Variants in LYPLAL1 observed in about 807,000 individuals in gnomAD.
The protein encoded by LYPLAL1 is lysophospholipase like 1, also known as lysophospholipase-like protein 1.
In LYPLAL1, 23 loss-of-function variants were observed where a neutral mutation model predicts 19.7. That is an observed-to-expected ratio of 1.17 (90% CI 0.84 to 1.65). The LOEUF (loss-of-function observed/expected upper bound fraction) is 1.65. LYPLAL1 is among the 40% of genes most tolerant of loss of function. LYPLAL1 has a pLI of 0.00. For synonymous variants in LYPLAL1, 119 were observed against 96.3 expected (o/e 1.24, Z -1.38); for missense variants, 355 against 279.4 (o/e 1.27, Z -1.93).
intron 3 of LYPLAL1, among the ~76,000 whole-genome samples, chr1:219,209,369 A>G (rs917252896): frequency 6.6e-6 from 1 of 152,132 alleles, no homozygotes; most frequent in Non-Finnish European, 1.5e-5. Flanking sequence ...ATAAATATCA[A>G]GGGATAGTAG....
At chr1:219,329,166 G>A in the LYPLAL1 span, among the ~76,000 whole-genome samples, 2 of 151,682 alleles carry the variant, frequency 1.3e-5, no homozygotes, top group African/African-American at 2.4e-5. Context: ...GGATAAAAAT[G>A]TCTAAGTACT....
chr1:219,438,027 A>G, the LYPLAL1 span, among the ~76,000 whole-genome samples: 5 of 152,128 alleles, frequency 3.3e-5, no homozygotes, highest in African/African-American at 7.2e-5. Context: ...TCGGCCTCCC[A>G]AAGTGCTGGG....
the LYPLAL1 span, among the ~76,000 whole-genome samples, chr1:219,257,874 A>G: frequency 6.6e-6 from 1 of 151,998 alleles, no homozygotes; most frequent in South Asian, 2.1e-4. Context: ...AGACCAGGGC[A>G]TATTTCAGTC....
At chr1:219,402,816 G>A in the LYPLAL1 span, among the ~76,000 whole-genome samples, 2 of 152,058 alleles carry the variant, frequency 1.3e-5, no homozygotes, top group Admixed American at 1.3e-4. Flanking sequence ...TGAGAATAAG[G>A]AAGAAGTAAA....
At chr1:219,443,793 AAAAC>A in the LYPLAL1 span, among the ~76,000 whole-genome samples, 1 of 152,248 alleles carries the variant, frequency 6.6e-6, no homozygotes, top group Non-Finnish European at 1.5e-5. Context: ...AAGGTTAACA[AAAAC>A]AAGTAAGATA....
At chr1:219,372,647 C>A in the LYPLAL1 span, among the ~76,000 whole-genome samples, 3 of 152,120 alleles carry the variant, frequency 2.0e-5, no homozygotes, top group Non-Finnish European at 2.9e-5. Flanking sequence ...CACCTGTAAT[C>A]CCGGCAATTT....
the LYPLAL1 span, among the ~76,000 whole-genome samples, chr1:219,325,293 T>C: frequency 3.3e-5 from 5 of 152,208 alleles, no homozygotes; most frequent in Non-Finnish European, 7.3e-5. Flanking sequence ...ATTTGTCATA[T>C]AGATTCACTC....
the LYPLAL1 span, among the ~76,000 whole-genome samples, chr1:219,328,402 G>A: frequency 1.3e-5 from 2 of 152,066 alleles, no homozygotes; most frequent in Non-Finnish European, 1.5e-5. Context: ...GTCTAGACCT[G>A]GTTGTTCTAC....
the LYPLAL1 span, among the ~76,000 whole-genome samples, chr1:219,336,765 G>A: frequency 2.0e-5 from 3 of 151,986 alleles, no homozygotes; most frequent in East Asian, 5.8e-4. Flanking sequence ...AATCAGCTTG[G>A]GAAATGGAAA....
chr1:219,404,951 C>T, the LYPLAL1 span, among the ~76,000 whole-genome samples: 2 of 152,166 alleles, frequency 1.3e-5, no homozygotes, highest in African/African-American at 2.4e-5. Flanking sequence ...AAAAGCAACT[C>T]CCCATCCATT....
the LYPLAL1 span, among the ~76,000 whole-genome samples, chr1:219,252,547 G>A: frequency 6.6e-6 from 1 of 151,994 alleles, no homozygotes; most frequent in Admixed American, 6.6e-5. Flanking sequence ...ATAAGCATGT[G>A]GTTTTTGTCT....
chr1:219,349,068 G>C, the LYPLAL1 span, among the ~76,000 whole-genome samples: 1 of 152,116 alleles, frequency 6.6e-6, no homozygotes, highest in Admixed American at 6.5e-5. Flanking sequence ...AGAAAATTGG[G>C]CTTTAGAGAG....
chr1:219,275,813 G>C, the LYPLAL1 span, among the ~76,000 whole-genome samples: 1 of 151,896 alleles, frequency 6.6e-6, no homozygotes, highest in Non-Finnish European at 1.5e-5. Context: ...CTCATCTTAA[G>C]GCTCAAGATT....
the LYPLAL1 span, among the ~76,000 whole-genome samples, chr1:219,416,682 G>C: frequency 2.3e-4 from 35 of 152,214 alleles, no homozygotes; most frequent in Admixed American, 2.3e-3. Context: ...ATAACTTCTG[G>C]ATTGTGTTCA....
the LYPLAL1 span, among the ~76,000 whole-genome samples, chr1:219,371,695 A>G: frequency 6.6e-6 from 1 of 152,192 alleles, no homozygotes; most frequent in Non-Finnish European, 1.5e-5. Flanking sequence ...AGGTCCAAAG[A>G]AGACAAACGC....
chr1:219,320,903 G>A, the LYPLAL1 span, among the ~76,000 whole-genome samples: 1 of 152,144 alleles, frequency 6.6e-6, no homozygotes, highest in Non-Finnish European at 1.5e-5. Flanking sequence ...ATAAACATAC[G>A]TGTGCATGTG....
At chr1:219,362,049 T>C in the LYPLAL1 span, among the ~76,000 whole-genome samples, 2 of 152,092 alleles carry the variant, frequency 1.3e-5, no homozygotes, top group Non-Finnish European at 2.9e-5. Flanking sequence ...GAAAGTTCTC[T>C]CTCCTCTGCG....
At chr1:219,350,885 C>G in the LYPLAL1 span, among the ~76,000 whole-genome samples, 2 of 152,128 alleles carry the variant, frequency 1.3e-5, no homozygotes, top group Non-Finnish European at 2.9e-5. Context: ...CTTGATCCAT[C>G]TTCTGGCATT....
Position 219,174,292 on chromosome 1 carries a change from G to T in LYPLAL1, c.91+311G>T. ...ATTCCTCGCCCCAAGTTTAAACAGA[G>T]CAAGTTAGTAAGGTAAGTCTTCTGC... On this transcript the variant is annotated intron_variant, in intron 1 of 4. Coordinates refer to ENST00000366928, the MANE Select transcript of LYPLAL1 (RefSeq NM_138794.5). 3 of 1,249,160 alleles carry T rather than the reference G, an allele frequency of 2.4e-6. No homozygotes were observed. The South Asian group carries it at 5.9e-5, about 24-fold the overall frequency. The allele number at this position is 1,249,160 out of a possible 1,614,324, so 77.4% of individuals were successfully genotyped here.
Sources: gnomAD v4.1 joint callset for allele counts (sites outside exome capture counted in the v4.1 genomes callset) on GRCh38, gnomAD v4.1.1 for gene constraint, MANE v1.5 for transcripts, NCBI Gene and HGNC (gene_info 2026-07-23, HGNC 2026-07-21) for gene names.